Variants in KAZN observed in about 807,000 individuals in gnomAD.
KAZN encodes kazrin.
A neutral mutation model predicts 87.4 loss-of-function variants in KAZN; 40 were observed. The observed-to-expected ratio is 0.46, with a 90% CI of 0.36 to 0.60. The LOEUF (loss-of-function observed/expected upper bound fraction) is 0.60. Among genes scored for constraint, KAZN ranks in the 20% least tolerant of loss-of-function variants. The pLI is 0.00. For synonymous variants in KAZN, 466 were observed against 458.3 expected (o/e 1.02, Z -0.22); for missense variants, 898 against 1,073.9 (o/e 0.84, Z 2.29).
chr1:15,044,304 C>G, intron 4 of KAZN, 145 bp downstream of exon 4: 1 of 818,382 alleles, frequency 1.2e-6, no homozygotes, highest in East Asian at 2.9e-5. Context: ...CAGGGCCCGC[C>G]GCGGGAGGGG....
chr1:14,936,665 C>G (rs1430615517), intron 1 of KAZN, among the ~76,000 whole-genome samples: 9 of 152,194 alleles, frequency 5.9e-5, no homozygotes, highest in South Asian at 4.1e-4. Flanking sequence ...ACCAGGCCCC[C>G]ACTGGGCGCC....
At chr1:14,523,253 G>A (rs1045533200) in intron 2 of KAZN, among the ~76,000 whole-genome samples, 21 of 152,152 alleles carry the variant, frequency 1.4e-4, no homozygotes, top group Non-Finnish European at 2.9e-4. Context: ...TCCCAGTCCA[G>A]GGCAATAAAC....
At chr1:13,966,292 G>T (rs1641941787) in intron 1 of KAZN, among the ~76,000 whole-genome samples, 1 of 152,152 alleles carries the variant, frequency 6.6e-6, no homozygotes, top group Non-Finnish European at 1.5e-5. Flanking sequence ...AGGAGGCAAC[G>T]AAGACCACCT....
At chr1:14,397,597 C>A (rs1185180788) in intron 2 of KAZN, among the ~76,000 whole-genome samples, 2 of 152,178 alleles carry the variant, frequency 1.3e-5, no homozygotes, top group East Asian at 3.9e-4. Context: ...TGGTTCATGC[C>A]TGTAATCCCA....
At chr1:14,763,788 T>C (rs541765589) in intron 1 of KAZN, among the ~76,000 whole-genome samples, 42 of 152,336 alleles carry the variant, frequency 2.8e-4, no homozygotes, top group African/African-American at 1.0e-3. Context: ...CTTGCTCTGT[T>C]GCCCAGGCTG....
chr1:14,590,432 G>A (rs529346588), intron 2 of KAZN, among the ~76,000 whole-genome samples: 4 of 152,112 alleles, frequency 2.6e-5, no homozygotes, highest in Non-Finnish European at 5.9e-5. Flanking sequence ...ATGACTTCAC[G>A]TATTAGAGGG....
intron 1 of KAZN, among the ~76,000 whole-genome samples, chr1:14,787,107 A>G (rs996488979): frequency 1.3e-5 from 2 of 152,184 alleles, no homozygotes; most frequent in Admixed American, 1.3e-4. Flanking sequence ...CCAGTGGTTA[A>G]CTTGGAGCTT....
intron 1 of KAZN, among the ~76,000 whole-genome samples, chr1:14,052,485 C>T (rs1395511600): frequency 2.0e-5 from 3 of 151,826 alleles, no homozygotes; most frequent in African/African-American, 7.3e-5. Context: ...TAAGATCATA[C>T]CCTGTGATGC....
At chr1:14,234,216 A>G (rs541751833) in intron 2 of KAZN, among the ~76,000 whole-genome samples, 4 of 152,318 alleles carry the variant, frequency 2.6e-5, no homozygotes, top group African/African-American at 4.8e-5. Flanking sequence ...ATACTATACT[A>G]TGCAGCCATA....
chr1:13,902,742 C>G (rs536245327), intron 1 of KAZN, among the ~76,000 whole-genome samples: 1 of 152,244 alleles, frequency 6.6e-6, no homozygotes, highest in East Asian at 1.9e-4. Flanking sequence ...ATATTTCTCC[C>G]TATTACCCTG....
At chr1:14,322,944 C>A (rs1433376940) in intron 2 of KAZN, among the ~76,000 whole-genome samples, 1 of 152,180 alleles carries the variant, frequency 6.6e-6, no homozygotes, top group African/African-American at 2.4e-5. Context: ...AGGAAACTTA[C>A]AATCATGGCA....
intron 1 of KAZN, among the ~76,000 whole-genome samples, chr1:13,902,551 A>C (rs932974438): frequency 6.6e-6 from 1 of 152,234 alleles, no homozygotes; most frequent in Non-Finnish European, 1.5e-5. Flanking sequence ...GAAGGGAGAC[A>C]GGGAAGAGGG....
At chr1:14,047,726 G>C (rs562226641) in intron 1 of KAZN, among the ~76,000 whole-genome samples, 3 of 152,014 alleles carry the variant, frequency 2.0e-5, no homozygotes, top group Non-Finnish European at 4.4e-5. Flanking sequence ...AAATTAGCTG[G>C]GTGTGGTGGC....
chr1:13,894,899 T>G (rs1463434339), intron 1 of KAZN, among the ~76,000 whole-genome samples: 1 of 152,192 alleles, frequency 6.6e-6, no homozygotes, highest in Non-Finnish European at 1.5e-5. Flanking sequence ...GAGAGGCAGC[T>G]CGTGGAGTGG....
At chr1:14,083,927 T>C (rs1170816450) in intron 1 of KAZN, among the ~76,000 whole-genome samples, 1 of 152,244 alleles carries the variant, frequency 6.6e-6, no homozygotes, top group Non-Finnish European at 1.5e-5. Context: ...GTCATTGTCC[T>C]AGGACCTGTG....
intron 1 of KAZN, among the ~76,000 whole-genome samples, chr1:14,118,951 C>G (rs868671494): frequency 2.0e-5 from 3 of 152,100 alleles, no homozygotes; most frequent in Non-Finnish European, 2.9e-5. Context: ...GTCAGGAAAA[C>G]AGTTGTTCCA....
At chr1:14,259,052 A>G (rs1484847056) in intron 2 of KAZN, among the ~76,000 whole-genome samples, 1 of 152,092 alleles carries the variant, frequency 6.6e-6, no homozygotes, top group Non-Finnish European at 1.5e-5. Flanking sequence ...TGACATGTCC[A>G]ACGAGCTGCG....
chr1:14,961,139 G>A (rs951540118), intron 2 of KAZN, among the ~76,000 whole-genome samples: 1 of 152,222 alleles, frequency 6.6e-6, no homozygotes, highest in African/African-American at 2.4e-5. Flanking sequence ...GTGAATGGTG[G>A]ATGGGCATCT....
rs560502201 is a variant in KAZN, at chr1:13,975,123, T to C, written c.91+81367T>C. On this transcript the variant is annotated intron_variant, in intron 1 of 16. Coordinates refer to the KAZN transcript ENST00000636203. Reference sequence around the variant, plus strand: ...GGACTCTGCTCTTAGAGATTTTACGTTGAGAGCCTACAGTAGGAAGACAGA... The same window carrying C: ...GGACTCTGCTCTTAGAGATTTTACGCTGAGAGCCTACAGTAGGAAGACAGA... Among the ~76,000 whole-genome samples, 4 of 152,278 alleles carry C rather than the reference T, an allele frequency of 2.6e-5. No individual in the cohort carries two copies. The South Asian group carries it at 8.3e-4, about 32-fold the overall frequency.
Sources: allele counts gnomAD v4.1 joint callset (sites outside exome capture counted in the v4.1 genomes callset), GRCh38; gene constraint gnomAD v4.1.1; transcripts MANE v1.5; gene names NCBI Gene and HGNC (gene_info 2026-07-23, HGNC 2026-07-21).